MALRD1: variants seen among roughly 807,000 people sequenced by gnomAD.
MALRD1 encodes MAM and LDL-receptor class A domain-containing protein 1.
MALRD1 carries 247 observed loss-of-function variants against 242.1 expected under a neutral mutation model. The ratio of observed to expected loss-of-function variants is 1.02; its 90% CI spans 0.92 to 1.13. The LOEUF (loss-of-function observed/expected upper bound fraction) is 1.13. Among genes scored for constraint, MALRD1 ranks in the 50% most tolerant of loss-of-function variants. MALRD1 has a pLI of 0.00. For synonymous variants in MALRD1, 995 were observed against 866.6 expected, an observed-to-expected ratio of 1.15 and a Z score of -2.60; for missense variants, 2,989 against 2,533.1, an observed-to-expected ratio of 1.18 and a Z score of -3.86.
chr10:19,298,861 T>G (rs557070860), intron 21 of MALRD1, among the ~76,000 whole-genome samples: 1 of 152,116 alleles, frequency 6.6e-6, no homozygotes, highest in Admixed American at 6.6e-5. Context: ...AACGTTTATC[T>G]TCTTAGGGAG....
intron 34 of MALRD1, among the ~76,000 whole-genome samples, chr10:19,602,799 G>T (rs868315498): frequency 1.1e-4 from 16 of 152,142 alleles, no homozygotes; most frequent in East Asian, 3.9e-4. Flanking sequence ...TGAACTAGTT[G>T]ACAGTCCCAC....
At chr10:19,241,159 G>A (rs1013193088) in intron 18 of MALRD1, among the ~76,000 whole-genome samples, 7 of 152,036 alleles carry the variant, frequency 4.6e-5, no homozygotes, top group Admixed American at 4.6e-4. Context: ...TAACTGTTTG[G>A]TAGAATTCAG....
intron 34 of MALRD1, among the ~76,000 whole-genome samples, chr10:19,603,023 GC>G (rs1252959368): frequency 6.6e-6 from 1 of 152,064 alleles, no homozygotes; most frequent in Non-Finnish European, 1.5e-5. Flanking sequence ...CATATCCTTT[GC>G]CCACCTGTTG....
chr10:19,152,494 A>G (rs897568991), intron 11 of MALRD1, among the ~76,000 whole-genome samples: 1 of 149,656 alleles, frequency 6.7e-6, no homozygotes, highest in Non-Finnish European at 1.5e-5. Context: ...CTAACCAGAG[A>G]GTTTGCAGTC....
chr10:19,526,844 A>G (rs1295583985), intron 31 of MALRD1, among the ~76,000 whole-genome samples: 4 of 152,180 alleles, frequency 2.6e-5, no homozygotes, highest in Non-Finnish European at 4.4e-5. Context: ...ATTAGATTGT[A>G]TAACATTTCT....
At chr10:19,617,525 C>T (rs1589313605) in intron 36 of MALRD1, among the ~76,000 whole-genome samples, 2 of 151,822 alleles carry the variant, frequency 1.3e-5, no homozygotes, top group Non-Finnish European at 2.9e-5. Context: ...AATAGCTTAG[C>T]CATTTCATTC....
Position 19,257,664 on chromosome 10 carries a change from TTTTTA to T in MALRD1, c.2992-10_2992-6del. On this transcript the variant is annotated splice_polypyrimidine_tract_variant and intron_variant, in intron 18 of 39. Coordinates refer to ENST00000454679, the MANE Select transcript of MALRD1 (RefSeq NM_001142308.3). ...ACATAAACACATTTCTTATTTTTATTTTTTATTTTATTTTTTTAGATATTGGTGGA... is the reference window on the plus strand; with the variant it reads ...ACATAAACACATTTCTTATTTTTATTTTTTATTTTTTTAGATATTGGTGGA... 6.7e-7 allele frequency: 1 copy of T among 1,486,698 alleles called. No homozygotes were observed. Among genetic ancestry groups the T allele is most frequent in the South Asian group, 1.3e-5 (1 of 77,900 alleles). The allele number at this position is 1,486,698 out of a possible 1,614,324, so 92.1% of individuals were successfully genotyped here. A position where few individuals can be genotyped will look rare whatever the true frequency, so the allele number is the denominator to read the frequency against.
chr10:19,578,080 A>C (rs1236171464), intron 33 of MALRD1, among the ~76,000 whole-genome samples: 1 of 152,032 alleles, frequency 6.6e-6, no homozygotes, highest in African/African-American at 2.4e-5. Context: ...AAACAAGTTC[A>C]TTTGTTGCCT....
At chr10:19,273,846 A>G (rs181385308) in intron 19 of MALRD1, among the ~76,000 whole-genome samples, 14 of 152,250 alleles carry the variant, frequency 9.2e-5, no homozygotes, top group African/African-American at 2.6e-4. Context: ...GATGAAAACA[A>G]AAAGATATGC....
At chr10:19,499,224 A>G (rs1394942522) in intron 31 of MALRD1, among the ~76,000 whole-genome samples, 2 of 152,132 alleles carry the variant, frequency 1.3e-5, no homozygotes, top group African/African-American at 2.4e-5. Context: ...TAAGCTTGTA[A>G]TCTTATTTAC....
intron 7 of MALRD1, 132 bp from the exon 8 acceptor site, chr10:19,128,089 C>T (rs538417220): frequency 6.4e-5 from 33 of 514,982 alleles, no homozygotes; most frequent in Non-Finnish European, 8.1e-5. Flanking sequence ...CATTTGAAAA[C>T]GCTCTATCCT....
chr10:19,083,646 C>A (rs1835565809), intron 2 of MALRD1, among the ~76,000 whole-genome samples: 1 of 151,852 alleles, frequency 6.6e-6, no homozygotes, highest in African/African-American at 2.4e-5. Context: ...TCAAATAATA[C>A]AATTGTTTGA....
At chr10:19,228,359 G>C (rs565997847) in intron 18 of MALRD1, among the ~76,000 whole-genome samples, 1 of 152,166 alleles carries the variant, frequency 6.6e-6, no homozygotes, top group African/African-American at 2.4e-5. Flanking sequence ...AGAAACAGAA[G>C]CAGATTAGTG....
chr10:19,351,213 T>C (rs1844362005), intron 25 of MALRD1, among the ~76,000 whole-genome samples: 1 of 152,186 alleles, frequency 6.6e-6, no homozygotes, highest in African/African-American at 2.4e-5. Flanking sequence ...TTTTCCCTCA[T>C]TCACACAAAT....
intron 18 of MALRD1, among the ~76,000 whole-genome samples, chr10:19,235,572 CACCCACAGAGAGAG>C (rs1329849325): frequency 1.3e-3 from 115 of 87,752 alleles, no homozygotes; most frequent in African/African-American, 3.8e-3. Context: ...CCCACACCCA[CACCCACAGAGAGAG>C]AGAGAGAGAG....
intron 12 of MALRD1, among the ~76,000 whole-genome samples, chr10:19,163,704 A>G (rs577536376): frequency 6.6e-5 from 10 of 152,358 alleles, no homozygotes; most frequent in African/African-American, 9.6e-5. Flanking sequence ...GGCTGTATCA[A>G]TAACTTTTGT....
At chr10:19,518,025 T>A (rs899562747) in intron 31 of MALRD1, among the ~76,000 whole-genome samples, 1 of 152,202 alleles carries the variant, frequency 6.6e-6, no homozygotes, top group African/African-American at 2.4e-5. Context: ...AGCAAGTTTT[T>A]ATGAGCCAAA....
intron 33 of MALRD1, among the ~76,000 whole-genome samples, chr10:19,571,951 A>G (rs1836568563): frequency 6.6e-6 from 1 of 152,108 alleles, no homozygotes; most frequent in Non-Finnish European, 1.5e-5. Context: ...CAAACTCTCA[A>G]CTTCATTTCA....
intron 29 of MALRD1, among the ~76,000 whole-genome samples, chr10:19,484,132 G>C (rs1008733493): frequency 5.3e-5 from 8 of 152,292 alleles, no homozygotes; most frequent in African/African-American, 1.7e-4. Context: ...CAAGAGAAGA[G>C]AGGGAGGAGG....
Sources: gnomAD v4.1 joint callset for allele counts (sites outside exome capture counted in the v4.1 genomes callset) on GRCh38, gnomAD v4.1.1 for gene constraint, MANE v1.5 for transcripts, NCBI Gene and HGNC (gene_info 2026-07-23, HGNC 2026-07-21) for gene names.